TAB2: variants seen among roughly 807,000 people sequenced by gnomAD.
TAB2 encodes TGF-beta activated kinase 1 (MAP3K7) binding protein 2, also known as TGF-beta-activated kinase 1 and MAP3K7-binding protein 2.
In TAB2, 3 loss-of-function variants were observed where a neutral mutation model predicts 65.0. That is an observed-to-expected ratio of 0.05 (90% CI 0.02 to 0.12). The LOEUF (loss-of-function observed/expected upper bound fraction) is 0.12. Among genes scored for constraint, TAB2 ranks in the 10% least tolerant of loss-of-function variants. The pLI, the probability that TAB2 is intolerant of heterozygous loss-of-function variation, is 1.00. For synonymous variants in TAB2, 298 were observed against 285.1 expected (o/e 1.05, Z -0.46); for missense variants, 623 against 840.3 (o/e 0.74, Z 3.20).
intron 3 of TAB2, among the ~76,000 whole-genome samples, chr6:149,389,571 G>T (rs936958627): frequency 2.6e-5 from 4 of 151,370 alleles, no homozygotes; most frequent in Non-Finnish European, 4.4e-5. Flanking sequence ...CTTGAACCTG[G>T]GAGGTGGAGG....
At chr6:149,265,039 T>G (rs1413765214) in intron 1 of TAB2, among the ~76,000 whole-genome samples, 1 of 151,858 alleles carries the variant, frequency 6.6e-6, no homozygotes, top group Admixed American at 6.6e-5. Context: ...TAGGATATAC[T>G]CATCTTTAGA....
At chr6:149,357,430 A>AAACACACAC in intron 1 of TAB2, among the ~76,000 whole-genome samples, 2 of 111,144 alleles carry the variant, frequency 1.8e-5, no homozygotes, top group East Asian at 6.2e-4. Context: ...AGAAAAAAAA[A>AAACACACAC]ACACACACAC....
At chr6:149,369,852 C>T in intron 1 of TAB2, 57 bp from the exon 2 acceptor site, 1 of 677,334 alleles carries the variant, frequency 1.5e-6, no homozygotes, top group South Asian at 1.7e-5. Flanking sequence ...TTTAAATCCA[C>T]AACAATATTC....
chr6:149,269,203 C>T (rs571012166), intron 1 of TAB2, among the ~76,000 whole-genome samples: 20 of 152,196 alleles, frequency 1.3e-4, no homozygotes, highest in African/African-American at 3.9e-4. Context: ...CTTTGTGCTG[C>T]GAATAAAATG....
intron 1 of TAB2, among the ~76,000 whole-genome samples, chr6:149,284,547 G>A (rs1778634276): frequency 6.6e-6 from 1 of 151,946 alleles, no homozygotes; most frequent in South Asian, 2.1e-4. Flanking sequence ...AGTTAGTTTT[G>A]AGGATGCTTT....
At chr6:149,331,999 A>T (rs1017312906) in intron 1 of TAB2, among the ~76,000 whole-genome samples, 1 of 152,190 alleles carries the variant, frequency 6.6e-6, no homozygotes, top group East Asian at 1.9e-4. Context: ...ATATGTTTCA[A>T]ACTCTGTGTG....
intron 1 of TAB2, among the ~76,000 whole-genome samples, chr6:149,272,374 C>T (rs545589406): frequency 9.2e-5 from 14 of 152,330 alleles, no homozygotes; most frequent in Admixed American, 6.5e-4. Context: ...AGAAGTCTCA[C>T]TAGATTAAAA....
chr6:149,270,596 A>G (rs1299112911), intron 1 of TAB2, among the ~76,000 whole-genome samples: 1 of 152,200 alleles, frequency 6.6e-6, no homozygotes, highest in Non-Finnish European at 1.5e-5. Flanking sequence ...CTATACATCT[A>G]TCAAAACATC....
At chr6:149,278,201 T>C (rs1778512454) in intron 1 of TAB2, among the ~76,000 whole-genome samples, 1 of 152,196 alleles carries the variant, frequency 6.6e-6, no homozygotes, top group African/African-American at 2.4e-5. Context: ...TTTGTACCTG[T>C]TGTAATAAAT....
chr6:149,308,848 C>T (rs1246707060), intron 1 of TAB2, among the ~76,000 whole-genome samples: 1 of 152,016 alleles, frequency 6.6e-6, no homozygotes, highest in Non-Finnish European at 1.5e-5. Flanking sequence ...TTAAAAAATT[C>T]TCTGTGCCTT....
At chr6:149,253,788 G>A (rs1389837383) in intron 1 of TAB2, among the ~76,000 whole-genome samples, 1 of 150,914 alleles carries the variant, frequency 6.6e-6, no homozygotes, top group Non-Finnish European at 1.5e-5. Flanking sequence ...TGGGCTTGGT[G>A]GAGCACGCCT....
At chr6:149,348,665 AT>A (rs1311651015) in intron 1 of TAB2, among the ~76,000 whole-genome samples, 3 of 151,802 alleles carry the variant, frequency 2.0e-5, no homozygotes, top group Non-Finnish European at 4.4e-5. Context: ...ACCTGTGAAC[AT>A]TAAAAAAAAA....
At chr6:149,238,956 C>T (rs1777548219) in intron 1 of TAB2, among the ~76,000 whole-genome samples, 1 of 152,160 alleles carries the variant, frequency 6.6e-6, no homozygotes, top group Non-Finnish European at 1.5e-5. Flanking sequence ...CTAATCTTAG[C>T]AGTAAAACTC....
chr6:149,383,876 C>T (rs1267395170), intron 3 of TAB2, among the ~76,000 whole-genome samples: 2 of 152,204 alleles, frequency 1.3e-5, no homozygotes, highest in East Asian at 3.8e-4. Flanking sequence ...AGCCACCGCA[C>T]CTAGCTCAGT....
chr6:149,323,896 C>T (rs1453635082), intron 1 of TAB2, among the ~76,000 whole-genome samples: 1 of 145,656 alleles, frequency 6.9e-6, no homozygotes, highest in Non-Finnish European at 1.5e-5. Flanking sequence ...ATACATACAA[C>T]TGAATATTTT....
At chr6:149,280,198 T>C (rs1778548436) in intron 1 of TAB2, among the ~76,000 whole-genome samples, 2 of 152,238 alleles carry the variant, frequency 1.3e-5, no homozygotes, top group Admixed American at 1.3e-4. Flanking sequence ...GCATGTTGCT[T>C]ATACTCTCTA....
chr6:149,338,812 G>C (rs1018075402), intron 1 of TAB2, among the ~76,000 whole-genome samples: 2 of 152,198 alleles, frequency 1.3e-5, no homozygotes, highest in African/African-American at 4.8e-5. Flanking sequence ...ACCAAACCTG[G>C]AAAACAGAAT....
At chr6:149,224,076 CT>C (rs1156274094) in intron 1 of TAB2, among the ~76,000 whole-genome samples, 1 of 152,132 alleles carries the variant, frequency 6.6e-6, no homozygotes, top group Non-Finnish European at 1.5e-5. Context: ...ATGTGATCAC[CT>C]TTTAAAGGGG....
chr6:149,220,315 G>GT (rs1777114861), intron 1 of TAB2, among the ~76,000 whole-genome samples: 1 of 152,086 alleles, frequency 6.6e-6, no homozygotes, highest in African/African-American at 2.4e-5. Flanking sequence ...ACAAGTGGTA[G>GT]TTTTTTTAAA....
Sources: allele counts gnomAD v4.1 joint callset (sites outside exome capture counted in the v4.1 genomes callset), GRCh38; gene constraint gnomAD v4.1.1; transcripts MANE v1.5; gene names NCBI Gene and HGNC (gene_info 2026-07-23, HGNC 2026-07-21).